SOX11: variants seen among roughly 807,000 people sequenced by gnomAD.
SOX11 encodes the protein transcription factor SOX-11.
In SOX11, 5 loss-of-function variants were observed where a neutral mutation model predicts 16.7. That is an observed-to-expected ratio of 0.30 (90% CI 0.16 to 0.63). SOX11 has a LOEUF of 0.63. Ranked by LOEUF, SOX11 falls within the 20% of genes least tolerant of loss-of-function variation. The pLI is 0.82. For missense variants in SOX11, 492 were observed against 641.5 expected (o/e 0.77, Z 2.52); for synonymous variants, 363 against 298.8 (o/e 1.21, Z -2.22).
At position 5,699,210 on chromosome 2, in the gene SOX11, C is replaced by T. The variant is rs968377245; in HGVS notation, c.*5163C>T. ...CTTTTTTCTTATGTAGGAAGACCAG[C>T]GAAAATAGTTTACTGAGTTGTCAAT... On this transcript the variant is annotated 3_prime_UTR_variant, in exon 1 of 1. Coordinates refer to ENST00000322002, the MANE Select transcript of SOX11 (RefSeq NM_003108.4). The T allele has an allele frequency of 6.0e-6, 1 of 166,654 alleles. No individual in the cohort carries two copies. Among genetic ancestry groups the T allele is most frequent in the Non-Finnish European group, 1.5e-5 (1 of 68,086 alleles). The allele number at this position is 166,654 out of a possible 1,614,324, so 10.3% of individuals were successfully genotyped here.
Position 5,693,848 on chromosome 2 carries a change from C to G in SOX11, c.1127C>G (p.Ala376Gly), listed in dbSNP as rs1022798363. ...AATTTCTCTCAAAGCGCGCACAGCG[C>G]CAGCGAGCAGCAGCTGGGGGGCGGC... The part of the protein sequence containing the change: ...SLNFSQSAHS[A>G]SEQQLGGGAA... Residue 376 changes from alanine (A) to glycine (G), a missense_variant, in exon 1 of 1, where the codon GCC becomes GGC. Physicochemically the swap from Ala to Gly is moderately conservative, Grantham distance 60. This residue lies in a region of SOX11 where 389 missense variants were observed against 389.0 expected (regional missense o/e 1.00). Transcript: ENST00000322002. The surrounding 1 kb of genome is among the most constrained non-coding windows in gnomAD (Gnocchi z 8.6). The G allele has an allele frequency of 1.9e-6, 3 of 1,551,112 alleles. No homozygotes were observed. In the African/African-American group the frequency reaches 4.1e-5, roughly 21 times the overall value.
rs1242228364 is a variant in SOX11, at chr2:5,699,828, A to C, written c.*5781A>C. On this transcript the variant is annotated 3_prime_UTR_variant, in exon 1 of 1. Transcript: ENST00000322002. ...AGTTTTATCTGTTCCATGTGGATGC[A>C]GTGAGTTTATAAGAGAATTTCACAA... The C allele has an allele frequency of 6.0e-6, 1 of 166,398 alleles. No individual in the cohort carries two copies. Among genetic ancestry groups the C allele is most frequent in the Non-Finnish European group, 1.5e-5 (1 of 68,056 alleles). The allele number at this position is 166,398 out of a possible 1,614,324, so 10.3% of individuals were successfully genotyped here. A position where few individuals can be genotyped will look rare whatever the true frequency, so the allele number is the denominator to read the frequency against.
chr2:5,694,885 T>G lies in SOX11; in HGVS notation c.*838T>G. 1 of 166,574 alleles carries G rather than the reference T, an allele frequency of 6.0e-6. No individual in the cohort carries two copies. The highest frequency in any genetic ancestry group is 1.9e-4 in the East Asian group (1 of 5,198). The allele number at this position is 166,574 out of a possible 1,614,324, so 10.3% of individuals were successfully genotyped here. A position where few individuals can be genotyped will look rare whatever the true frequency, so the allele number is the denominator to read the frequency against. On this transcript the variant is annotated 3_prime_UTR_variant, in exon 1 of 1. Coordinates refer to ENST00000322002, the MANE Select transcript of SOX11 (RefSeq NM_003108.4). Reference sequence around the variant, plus strand: ...GTGATTTCTACTTGCCAACTTTTTTTTTGTAACTTGTTCCCTTATACCTCC... The same window carrying G: ...GTGATTTCTACTTGCCAACTTTTTTGTTGTAACTTGTTCCCTTATACCTCC...
Position 5,700,358 on chromosome 2 carries a change from C to G in SOX11, c.*6311C>G, listed in dbSNP as rs1283550221. ...AAAATAGGATTTCCTCTAGGCTCCTCGAAGAGATTTTTTTAATATGATGCT... is the reference window on the plus strand; with the variant it reads ...AAAATAGGATTTCCTCTAGGCTCCTGGAAGAGATTTTTTTAATATGATGCT... On this transcript the variant is annotated 3_prime_UTR_variant, in exon 1 of 1. Transcript: ENST00000322002. 3 of 165,062 alleles carry G rather than the reference C, an allele frequency of 1.8e-5. No homozygotes were observed. The highest frequency in any genetic ancestry group is 2.5e-5 in the African/African-American group (1 of 40,638). The allele number at this position is 165,062 out of a possible 1,614,324, so 10.2% of individuals were successfully genotyped here. A position where few individuals can be genotyped will look rare whatever the true frequency, so the allele number is the denominator to read the frequency against.
In SOX11 at chr2:5,692,580, C is replaced by T. The variant is rs1053781026; in HGVS notation, c.-142C>T. 1 of 472,722 alleles carries T rather than the reference C, an allele frequency of 2.1e-6. No individual in the cohort carries two copies. Among genetic ancestry groups the T allele is most frequent in the African/African-American group, 7.0e-5 (1 of 14,334 alleles). The allele number at this position is 472,722 out of a possible 1,614,324, so 29.3% of individuals were successfully genotyped here. ...GCTGTGTGCAGCCTGGAAGGGGGGG[C>T]GGGGGGGAGGGGGGGAGCCGCGAAA... is the stretch of plus-strand genomic sequence containing the variant. On this transcript the variant is annotated 5_prime_UTR_variant, in exon 1 of 1. Coordinates refer to ENST00000322002, the MANE Select transcript of SOX11 (RefSeq NM_003108.4).
chr2:5,692,564 A>C lies in SOX11; in HGVS notation c.-158A>C. ...CGAAGCCACCACAGCCGCTGTGTGC[A>C]GCCTGGAAGGGGGGGCGGGGGGGAG... On this transcript the variant is annotated 5_prime_UTR_variant, in exon 1 of 1. Transcript: ENST00000322002. The C allele has an allele frequency of 5.2e-6, 3 of 573,378 alleles. No homozygotes were observed. Among genetic ancestry groups the C allele is most frequent in the East Asian group, 3.2e-5 (1 of 31,546 alleles). 35.5% of individuals were successfully genotyped at this position (573,378 alleles called of 1,614,324 possible).
rs569083897 is a variant in SOX11, at chr2:5,695,203, TA to T, written c.*1167del. ...CCTTGCATCTAAAGGCCTTGTGGTT[TA>T]AAAAAAAAAAGCAAACTTTTTTTTG... On this transcript the variant is annotated 3_prime_UTR_variant, in exon 1 of 1. Transcript: ENST00000322002. The T allele has an allele frequency of 0.11, 17,596 of 155,618 alleles. 1,066 individuals are homozygous for T. Among genetic ancestry groups the T allele is most frequent in the Admixed American group, 0.22 (3,197 of 14,712 alleles). 9.6% of individuals were successfully genotyped at this position (155,618 alleles called of 1,614,324 possible).
rs1437467782 is a variant in SOX11, at chr2:5,693,750, G to C, written c.1029G>C (p.Ser343=). The C allele has an allele frequency of 6.4e-7, 1 of 1,574,200 alleles. No homozygotes were observed. Among genetic ancestry groups the C allele is most frequent in the Non-Finnish European group, 8.6e-7 (1 of 1,156,402 alleles). The change falls in exon 1 of 1, where the codon TCG becomes TCC. Residue 343 remains serine, a synonymous_variant. Transcript: ENST00000322002. The surrounding 1 kb of genome is among the most constrained non-coding windows in gnomAD (Gnocchi z 8.6). ...PASSRSVSTS[S]SSSSGSSSGS... Reference sequence around the variant, plus strand: ...CCTCGCGCTCGGTGTCCACCTCCTCGTCCAGCAGCAGCGGCAGCAGCAGCG... The same window carrying C: ...CCTCGCGCTCGGTGTCCACCTCCTCCTCCAGCAGCAGCGGCAGCAGCAGCG...
At position 5,694,403 on chromosome 2, in the gene SOX11, A is replaced by T. The variant is rs1009060576; in HGVS notation, c.*356A>T. 5.8e-6 allele frequency: 2 copies of T among 346,028 alleles called. No homozygotes were observed. The highest frequency in any genetic ancestry group is 1.1e-5 in the Non-Finnish European group (2 of 187,326). The allele number at this position is 346,028 out of a possible 1,614,324, so 21.4% of individuals were successfully genotyped here. On this transcript the variant is annotated 3_prime_UTR_variant, in exon 1 of 1. Coordinates refer to ENST00000322002, the MANE Select transcript of SOX11 (RefSeq NM_003108.4). Reference sequence around the variant, plus strand: ...TCCCAAAAAATGTGTTTTTGTAATTACTATTTCTTTTTCCTGAAATTCGTG... The same window carrying T: ...TCCCAAAAAATGTGTTTTTGTAATTTCTATTTCTTTTTCCTGAAATTCGTG...
rs1665773923 is a variant in SOX11 at position 5,698,100 on chromosome 2, T to C, written c.*4053T>C. On this transcript the variant is annotated 3_prime_UTR_variant, in exon 1 of 1. Coordinates refer to ENST00000322002, the MANE Select transcript of SOX11 (RefSeq NM_003108.4). ...AAGTAATTGTTTGGCAATCTAAATT[T>C]AAAACCTGTTAGAACTCAGGACAGG... The C allele has an allele frequency of 6.0e-6, 1 of 167,050 alleles. No homozygotes were observed. Among genetic ancestry groups the C allele is most frequent in the Admixed American group, 6.5e-5 (1 of 15,288 alleles). The allele number at this position is 167,050 out of a possible 1,614,324, so 10.3% of individuals were successfully genotyped here.
Position 5,693,346 on chromosome 2 carries a change from G to A in SOX11, c.625G>A (p.Gly209Ser). 1.9e-6 allele frequency: 3 copies of A among 1,590,490 alleles called. 1 individual carries two copies. In the South Asian group the frequency reaches 3.3e-5, roughly 18 times the overall value. The change falls in exon 1 of 1, where the codon GGC becomes AGC. Residue 209 changes from glycine to serine, a missense_variant. Physicochemically the swap from Gly to Ser is moderately conservative, Grantham distance 56. Coordinates refer to ENST00000322002, the MANE Select transcript of SOX11 (RefSeq NM_003108.4). This position sits in a 1 kb window ranked among gnomAD's most constrained non-coding sequence, Gnocchi z 8.6. The stretch of plus-strand genomic sequence containing the variant: ...GGGCAGCCTGCGCGTGAGCGGCTCG[G>A]GCGGCGGCGGCGCGGGCAAGACGGT... ...VLGSLRVSGS[G>S]GGGAGKTVKC... is the part of the protein sequence containing the mutation.
In SOX11 at chr2:5,695,535, A is replaced by C. The variant is rs1665712963; in HGVS notation, c.*1488A>C. On this transcript the variant is annotated 3_prime_UTR_variant, in exon 1 of 1. Transcript: ENST00000322002. ...ATTTTGTAGCAAATGGTGGCAAAGCAGACTCAATGCACTGTCGACATCATT... is the reference window on the plus strand; with the variant it reads ...ATTTTGTAGCAAATGGTGGCAAAGCCGACTCAATGCACTGTCGACATCATT... The C allele has an allele frequency of 6.0e-6, 1 of 165,940 alleles. No homozygotes were observed. The highest frequency in any genetic ancestry group is 2.4e-5 in the African/African-American group (1 of 41,172). 10.3% of individuals were successfully genotyped at this position (165,940 alleles called of 1,614,324 possible).
Position 5,694,546 on chromosome 2 carries a change from T to C in SOX11, c.*499T>C, listed in dbSNP as rs973895238. On this transcript the variant is annotated 3_prime_UTR_variant, in exon 1 of 1. Transcript: ENST00000322002. ...GGAAGACGTCTGCAGAGGACCCTTT[T>C]GGCAGCACAACTGTTACTCTAGGGA... is the stretch of plus-strand genomic sequence containing the variant. 1.9e-5 allele frequency: 5 copies of C among 258,762 alleles called. No homozygotes were observed. The highest frequency in any genetic ancestry group is 3.1e-5 in the Non-Finnish European group (4 of 129,420). The allele number at this position is 258,762 out of a possible 1,614,324, so 16.0% of individuals were successfully genotyped here. A position where few individuals can be genotyped will look rare whatever the true frequency, so the allele number is the denominator to read the frequency against.
rs1665793260 is a variant in SOX11, at chr2:5,699,140, G to A, written c.*5093G>A. ...TAGAATCTTTATACTCTTTTACTGTGTGGTTCCCTGCTTTTAACAGATTTC... is the reference window on the plus strand; with the variant it reads ...TAGAATCTTTATACTCTTTTACTGTATGGTTCCCTGCTTTTAACAGATTTC... On this transcript the variant is annotated 3_prime_UTR_variant, in exon 1 of 1. Coordinates refer to ENST00000322002, the MANE Select transcript of SOX11 (RefSeq NM_003108.4). 6.0e-6 allele frequency: 1 copy of A among 166,932 alleles called. No individual in the cohort carries two copies. Among genetic ancestry groups the A allele is most frequent in the Admixed American group, 6.5e-5 (1 of 15,274 alleles). 10.3% of individuals were successfully genotyped at this position (166,932 alleles called of 1,614,324 possible).
chr2:5,693,534 C>T lies in SOX11; in HGVS notation c.813C>T (p.Asn271=). Residue 271 remains asparagine (N), a synonymous_variant, in exon 1 of 1, where the codon AAC becomes AAT. Coordinates refer to ENST00000322002, the MANE Select transcript of SOX11 (RefSeq NM_003108.4). This position sits in a 1 kb window ranked among gnomAD's most constrained non-coding sequence, Gnocchi z 8.6. ...QQPSQLLRRY[N]VAKVPASPTL... is the part of the protein sequence containing the mutation. ...CGTCGCAGCTGCTGAGACGCTACAACGTCGCCAAAGTGCCCGCCAGCCCTA... is the reference window on the plus strand; with the variant it reads ...CGTCGCAGCTGCTGAGACGCTACAATGTCGCCAAAGTGCCCGCCAGCCCTA... 1 of 1,568,788 alleles carries T rather than the reference C, an allele frequency of 6.4e-7. No individual in the cohort carries two copies. The highest frequency in any genetic ancestry group is 8.6e-7 in the Non-Finnish European group (1 of 1,164,496).
Position 5,693,930 on chromosome 2 carries a change from C to A in SOX11, c.1209C>A (p.Ser403Arg), listed in dbSNP as rs1208145337. ...SLVDKDLDSF[S>R]EGSLGSHFEF... ...TGGATAAGGATTTGGATTCGTTCAGCGAGGGCAGCCTGGGCTCCCACTTCG... is the reference window on the plus strand; with the variant it reads ...TGGATAAGGATTTGGATTCGTTCAGAGAGGGCAGCCTGGGCTCCCACTTCG... The change falls in exon 1 of 1, where the codon AGC (serine) becomes AGA (arginine). Residue 403 changes from serine to arginine, a missense_variant. By Grantham distance (110) the Ser-to-Arg change is moderately radical. Transcript: ENST00000322002. The surrounding 1 kb of genome is among the most constrained non-coding windows in gnomAD (Gnocchi z 8.6). 1 of 1,551,446 alleles carries A rather than the reference C, an allele frequency of 6.4e-7. No homozygotes were observed. Among genetic ancestry groups the A allele is most frequent in the Non-Finnish European group, 8.7e-7 (1 of 1,147,018 alleles).
Position 5,693,929 on chromosome 2 carries a change from G to A in SOX11, c.1208G>A (p.Ser403Asn). The change falls in exon 1 of 1, where the codon AGC becomes AAC. Residue 403 changes from serine (S) to asparagine (N), a missense_variant. Physicochemically the swap from Ser to Asn is conservative, Grantham distance 46. Coordinates refer to ENST00000322002, the MANE Select transcript of SOX11 (RefSeq NM_003108.4). This position sits in a 1 kb window ranked among gnomAD's most constrained non-coding sequence, Gnocchi z 8.6. Reference sequence around the variant, plus strand: ...GTGGATAAGGATTTGGATTCGTTCAGCGAGGGCAGCCTGGGCTCCCACTTC... The same window carrying A: ...GTGGATAAGGATTTGGATTCGTTCAACGAGGGCAGCCTGGGCTCCCACTTC... ...SLVDKDLDSFSEGSLGSHFEF... is the reference protein window; with the variant it reads ...SLVDKDLDSFNEGSLGSHFEF... 3 of 1,551,616 alleles carry A rather than the reference G, an allele frequency of 1.9e-6. No individual in the cohort carries two copies. Among genetic ancestry groups the A allele is most frequent in the Non-Finnish European group, 2.6e-6 (3 of 1,147,010 alleles).
rs868499226 is a variant in SOX11, at chr2:5,701,101, T to C, written c.*7054T>C. ...CGTAGACTATCTAGCATGCAGAGTG[T>C]AGTGTGTTGAAACGGTGTATGACAT... On this transcript the variant is annotated 3_prime_UTR_variant, in exon 1 of 1. Coordinates refer to ENST00000322002, the MANE Select transcript of SOX11 (RefSeq NM_003108.4). 2 of 166,968 alleles carry C rather than the reference T, an allele frequency of 1.2e-5. No individual in the cohort carries two copies. Among genetic ancestry groups the C allele is most frequent in the Non-Finnish European group, 2.9e-5 (2 of 68,114 alleles). 10.3% of individuals were successfully genotyped at this position (166,968 alleles called of 1,614,324 possible).
Position 5,695,310 on chromosome 2 carries a change from CTTAGT to C in SOX11, c.*1267_*1271del, listed in dbSNP as rs1205151423. 6.0e-6 allele frequency: 1 copy of C among 166,026 alleles called. No homozygotes were observed. Among genetic ancestry groups the C allele is most frequent in the Admixed American group, 6.6e-5 (1 of 15,174 alleles). The allele number at this position is 166,026 out of a possible 1,614,324, so 10.3% of individuals were successfully genotyped here. A position where few individuals can be genotyped will look rare whatever the true frequency, so the allele number is the denominator to read the frequency against. On this transcript the variant is annotated 3_prime_UTR_variant, in exon 1 of 1. Coordinates refer to ENST00000322002, the MANE Select transcript of SOX11 (RefSeq NM_003108.4). ...GTGATATAGACCTCAGAGCTGTTAT[CTTAGT>C]TTAAAGATTGTATATGTACTGTACT... is the stretch of plus-strand genomic sequence containing the variant.
Sources: gnomAD v4.1 joint callset for allele counts on GRCh38, gnomAD v4.1.1 for gene constraint, gnomAD v4.1.1 regional missense constraint, Gnocchi (gnomAD v3.1) non-coding constraint, MANE v1.5 for transcripts, NCBI Gene and HGNC (gene_info 2026-07-23, HGNC 2026-07-21) for gene names.